Variants in ADGRL3 observed in about 807,000 individuals in gnomAD.
ADGRL3 encodes adhesion G protein-coupled receptor L3.
Under a neutral mutation model 153.5 loss-of-function variants are expected in ADGRL3, and 62 were observed. The observed-to-expected ratio is 0.40, with a 90% confidence interval of 0.33 to 0.50. ADGRL3 has a LOEUF of 0.50. ADGRL3 is among the 20% of genes least tolerant of loss of function. ADGRL3 has a pLI of 0.47. For synonymous variants in ADGRL3, 710 were observed against 672.5 expected (o/e 1.06, Z -0.86); for missense variants, 1,641 against 1,859.4 (o/e 0.88, Z 2.16).
intron 6 of ADGRL3, among the ~76,000 whole-genome samples, chr4:61,728,267 C>T (rs560791290): frequency 1.3e-3 from 201 of 152,190 alleles, no homozygotes; most frequent in Admixed American, 1.7e-3. Context: ...AATAAATCTT[C>T]ATTTTGAGTA....
Position 61,368,912 on chromosome 4 carries a change from C to T in ADGRL3, c.-239-14212C>T, listed in dbSNP as rs528482146. Among the ~76,000 whole-genome samples, 696 of 152,150 alleles carry T rather than the reference C, an allele frequency of 4.6e-3. 6 individuals carry two copies. Among genetic ancestry groups the T allele is most frequent in the African/African-American group, 0.016 (663 of 41,518 alleles). ...TATCCTCTTTTATTTCCTTGAACAG[C>T]GATTTGTAGTTGTCCTTGAAGAGGT... On this transcript the variant is annotated intron_variant, in intron 1 of 26. Transcript: ENST00000683033.
intron 1 of ADGRL3, among the ~76,000 whole-genome samples, chr4:61,279,965 G>A (rs1213851713): frequency 6.6e-6 from 1 of 152,052 alleles, no homozygotes; most frequent in African/African-American, 2.4e-5. Flanking sequence ...TATATCAAAT[G>A]TACAAATACA....
At chr4:61,835,920 G>A (rs973950551) in intron 9 of ADGRL3, among the ~76,000 whole-genome samples, 1 of 152,100 alleles carries the variant, frequency 6.6e-6, no homozygotes, top group Non-Finnish European at 1.5e-5. Flanking sequence ...GCTTGCAAAG[G>A]CTTTTAACTG....
intron 12 of ADGRL3, among the ~76,000 whole-genome samples, chr4:61,912,341 T>G (rs971038633): frequency 2.6e-5 from 4 of 152,244 alleles, no homozygotes; most frequent in African/African-American, 9.6e-5. Flanking sequence ...AAACTTCTGA[T>G]GCAATTTCCT....
At chr4:61,326,599 A>ATGTGTGTGATAATGTGTG (rs1553903710) in intron 1 of ADGRL3, among the ~76,000 whole-genome samples, 1 of 140,646 alleles carries the variant, frequency 7.1e-6, no homozygotes, top group African/African-American at 2.6e-5. Context: ...ATGCCAGATA[A>ATGTGTGTGATAATGTGTG]TGTGTGTGTG....
intron 9 of ADGRL3, among the ~76,000 whole-genome samples, chr4:61,859,633 T>C (rs995100944): frequency 1.3e-5 from 2 of 152,290 alleles, no homozygotes; most frequent in South Asian, 2.1e-4. Context: ...CTCATGAAGT[T>C]CTGTAAGATA....
At chr4:61,435,722 C>T (rs80096745) in intron 2 of ADGRL3, among the ~76,000 whole-genome samples, 4,767 of 150,508 alleles carry the variant, frequency 0.032, 79 homozygotes, top group South Asian at 0.084. Flanking sequence ...TCTTGTCCTT[C>T]ACCTTCCATT....
intron 4 of ADGRL3, among the ~76,000 whole-genome samples, chr4:61,548,362 G>GTGCA (rs1264634289): frequency 1.4e-5 from 2 of 139,624 alleles, no homozygotes; most frequent in Admixed American, 1.5e-4. Context: ...GCCAGGGCCT[G>GTGCA]TGTCCGCAAT....
At chr4:61,634,959 T>C (rs2093351770) in intron 5 of ADGRL3, among the ~76,000 whole-genome samples, 1 of 152,138 alleles carries the variant, frequency 6.6e-6, no homozygotes, top group Non-Finnish European at 1.5e-5. Flanking sequence ...ACATCTCTTT[T>C]CCATTCATCT....
At chr4:61,848,751 G>A (rs1320925852) in intron 9 of ADGRL3, among the ~76,000 whole-genome samples, 4 of 152,058 alleles carry the variant, frequency 2.6e-5, no homozygotes, top group Non-Finnish European at 5.9e-5. Context: ...ACTCATGCAA[G>A]GATAAATTAA....
chr4:61,912,098 A>C (rs966176141), intron 12 of ADGRL3, among the ~76,000 whole-genome samples: 1 of 152,198 alleles, frequency 6.6e-6, no homozygotes, highest in Non-Finnish European at 1.5e-5. Context: ...GTCAAAATAA[A>C]TTCTTCAAGA....
At chr4:61,886,226 T>C (rs2098537889) in intron 9 of ADGRL3, among the ~76,000 whole-genome samples, 1 of 152,164 alleles carries the variant, frequency 6.6e-6, no homozygotes. Flanking sequence ...CTAGATGTAA[T>C]CAAATCTGCT....
intron 1 of ADGRL3, among the ~76,000 whole-genome samples, chr4:61,215,390 A>C (rs1454128993): frequency 1.1e-4 from 16 of 152,162 alleles, no homozygotes; most frequent in Non-Finnish European, 2.4e-4. Flanking sequence ...TGCTCTGTAC[A>C]TGCATGTGAA....
At chr4:61,616,649 T>C (rs2092037361) in intron 5 of ADGRL3, among the ~76,000 whole-genome samples, 1 of 152,174 alleles carries the variant, frequency 6.6e-6, no homozygotes, top group African/African-American at 2.4e-5. Flanking sequence ...CCTTTATGAT[T>C]TTGATTGATA....
rs532422929 is a variant in ADGRL3 at position 61,646,897 on chromosome 4, G to T, written c.474-29929G>T. Among the ~76,000 whole-genome samples the T allele has an allele frequency of 1.1e-4, 17 of 152,314 alleles. No homozygotes were observed. The South Asian group carries it at 3.5e-3, about 32-fold the overall frequency. On this transcript the variant is annotated intron_variant, in intron 5 of 26. Transcript: ENST00000683033. ...CAGCCTGGCTGCCGAATTGCAGTTT[G>T]ATCTTAGACTGCTGTGCTAGCAATC...
chr4:61,818,231 C>T lies in ADGRL3; in HGVS notation c.1480+4342C>T, dbSNP rs557769113. ...GCCATTCCAAATGGAAGAAATTGGC[C>T]AAAATGAAGGGGCTACAACCACCAT... On this transcript the variant is annotated intron_variant, in intron 9 of 26. Transcript: ENST00000683033. 6.6e-5 allele frequency among the ~76,000 whole-genome samples: 10 copies of T among 152,076 alleles called. No homozygotes were observed. In the East Asian group the frequency reaches 1.9e-3, roughly 30 times the overall value.
rs182327323 is a variant in ADGRL3, at chr4:61,967,294, A to G, written c.2806-12269A>G. Among the ~76,000 whole-genome samples, 166 of 152,270 alleles carry G rather than the reference A, an allele frequency of 1.1e-3. 2 individuals are homozygous for G. The highest frequency in any genetic ancestry group is 2.4e-3 in the Admixed American group (37 of 15,290). ...TTTTTTTAAAAGGTAGATACAATGT[A>G]GTAATTAAACATATATTACCTTTAT... On this transcript the variant is annotated intron_variant, in intron 17 of 26. Coordinates refer to ENST00000683033, the MANE Select transcript of ADGRL3 (RefSeq NM_001387552.1).
chr4:61,987,744 GT>G (rs1283533629), intron 19 of ADGRL3, among the ~76,000 whole-genome samples: 13 of 152,014 alleles, frequency 8.6e-5, no homozygotes, highest in Non-Finnish European at 1.6e-4. Flanking sequence ...TTTTTTACTT[GT>G]TTTTGGAACT....
intron 2 of ADGRL3, among the ~76,000 whole-genome samples, chr4:61,450,170 C>T (rs954101981): frequency 4.5e-4 from 68 of 152,184 alleles, no homozygotes; most frequent in African/African-American, 1.6e-3. Context: ...TTTTAATAGG[C>T]TATAAAGTAA....
Sources: allele counts gnomAD v4.1 joint callset (sites outside exome capture counted in the v4.1 genomes callset), GRCh38; gene constraint gnomAD v4.1.1; transcripts MANE v1.5; gene names NCBI Gene and HGNC (gene_info 2026-07-23, HGNC 2026-07-21).